The following SBF2 variants were observed in gnomAD, a reference collection of about 807,000 sequenced individuals.
SBF2 encodes the protein SET binding factor 2, also known as myotubularin-related protein 13.
Under a neutral mutation model 225.2 loss-of-function variants are expected in SBF2, and 112 were observed. The ratio of observed to expected loss-of-function variants is 0.50; its 90% CI spans 0.43 to 0.58. The LOEUF (loss-of-function observed/expected upper bound fraction) is 0.58, where lower values mean the gene tolerates loss of function less well. Ranked by LOEUF, SBF2 falls within the 20% of genes least tolerant of loss-of-function variation. The probability of loss-of-function intolerance (pLI) is 0.00; values close to 1 mark genes in which losing one functional copy is unlikely to be tolerated. For missense variants in SBF2, 1,996 were observed against 2,206.2 expected (o/e 0.90, Z 1.91); for synonymous variants, 763 against 773.3 (o/e 0.99, Z 0.22).
intron 2 of SBF2, among the ~76,000 whole-genome samples, chr11:10,117,596 C>T (rs1953206432): frequency 6.6e-6 from 1 of 152,050 alleles, no homozygotes; most frequent in South Asian, 2.1e-4. Context: ...CCTGATCAGA[C>T]TGAAAGTTTA....
At chr11:10,195,585 T>C (rs1957326706) in intron 1 of SBF2, among the ~76,000 whole-genome samples, 1 of 152,154 alleles carries the variant, frequency 6.6e-6, no homozygotes, top group African/African-American at 2.4e-5. Flanking sequence ...ACTGTAAAAA[T>C]CATCCACTAT....
chr11:10,033,570 A>G (rs1949335469), intron 3 of SBF2, among the ~76,000 whole-genome samples: 2 of 151,956 alleles, frequency 1.3e-5, no homozygotes, highest in African/African-American at 4.8e-5. Context: ...TTAGTTCTTA[A>G]TTTCAATATC....
Position 10,083,218 on chromosome 11 carries a change from T to G in SBF2, c.142-40237A>C, listed in dbSNP as rs373580267. On this transcript the variant is annotated intron_variant, in intron 2 of 39. Coordinates refer to ENST00000256190, the MANE Select transcript of SBF2 (RefSeq NM_030962.4). ...TACAAGGACAACTATAAGATACTGA[T>G]GAAAAAAACTGTAGATGACACAAAC... Among the ~76,000 whole-genome samples the G allele has an allele frequency of 5.3e-5, 8 of 152,194 alleles. No homozygotes were observed. In the East Asian group the frequency reaches 1.2e-3, roughly 22 times the overall value.
intron 2 of SBF2, among the ~76,000 whole-genome samples, chr11:10,075,281 T>G (rs751738053): frequency 3.9e-5 from 6 of 152,234 alleles, no homozygotes; most frequent in Non-Finnish European, 8.8e-5. Flanking sequence ...ATCATGCATG[T>G]AAACTGGTTA....
chr11:10,227,980 A>G (rs879622550), intron 1 of SBF2, among the ~76,000 whole-genome samples: 11 of 150,948 alleles, frequency 7.3e-5, no homozygotes, highest in Non-Finnish European at 1.5e-4. Context: ...ATTTGTTTGT[A>G]TCCTCTTTTA....
At chr11:9,998,239 A>G (rs769164484) in intron 9 of SBF2, 27 bp downstream of exon 9, 45 of 1,274,350 alleles carry the variant, frequency 3.5e-5, no homozygotes, top group Non-Finnish European at 5.0e-5. Context: ...ATAAAGAGAA[A>G]GTTACTATTA....
At chr11:10,094,838 A>G (rs1951950326) in intron 2 of SBF2, among the ~76,000 whole-genome samples, 1 of 151,776 alleles carries the variant, frequency 6.6e-6, no homozygotes, top group Admixed American at 6.6e-5. Context: ...TATTAATATC[A>G]TATGATTTTT....
chr11:10,172,602 C>T (rs538295916), intron 2 of SBF2, among the ~76,000 whole-genome samples: 1 of 152,354 alleles, frequency 6.6e-6, no homozygotes, highest in African/African-American at 2.4e-5. Context: ...ATCCACCGGC[C>T]TCGGCCTCCC....
chr11:9,902,069 G>A (rs1861763799), intron 16 of SBF2, among the ~76,000 whole-genome samples: 1 of 152,190 alleles, frequency 6.6e-6, no homozygotes, highest in African/African-American at 2.4e-5. Flanking sequence ...GCCCTGCAAA[G>A]TCATCTGTTG....
rs1037540987 is a variant in SBF2 at position 9,795,917 on chromosome 11, T to C, written c.4484A>G (p.Tyr1495Cys). The change falls in exon 33 of 40, where the codon TAT becomes TGT. Residue 1495 changes from tyrosine to cysteine, a missense_variant. Physicochemically the swap from Tyr to Cys is radical, Grantham distance 194 (BLOSUM62 -2). Transcript: ENST00000256190. ...GTGGAAAGCCAAGAACTTTAAGTAA[T>C]AGAGATTGAATTCAAACTCAGTTGG... ...QYPTEFEFNL[Y>C]YLKFLAFHYV... The C allele has an allele frequency of 6.2e-6, 10 of 1,613,306 alleles. No individual in the cohort carries two copies. In the East Asian group the frequency reaches 6.7e-5, roughly 11 times the overall value.
chr11:10,118,902 G>GA lies in SBF2; in HGVS notation c.141+74999dup, dbSNP rs545712716. 1.7e-3 allele frequency among the ~76,000 whole-genome samples: 129 copies of GA among 74,948 alleles called. 1 individual carries two copies. Among genetic ancestry groups the GA allele is most frequent in the South Asian group, 0.013 (32 of 2,390 alleles). 49.2% of individuals were successfully genotyped at this position (74,948 alleles called of 152,430 possible). ...CTGCTGATCACCTGAAGTACTGGAA[G>GA]AAAAAAAAAAAACAAAACTAAACAA... On this transcript the variant is annotated intron_variant, in intron 2 of 39. Transcript: ENST00000256190.
At chr11:10,154,242 G>A (rs1030850850) in intron 2 of SBF2, among the ~76,000 whole-genome samples, 1 of 151,910 alleles carries the variant, frequency 6.6e-6, no homozygotes, top group African/African-American at 2.4e-5. Context: ...CTTTTATCTT[G>A]CAACTTCTAA....
At chr11:10,078,940 C>G (rs1476793833) in intron 2 of SBF2, among the ~76,000 whole-genome samples, 1 of 152,136 alleles carries the variant, frequency 6.6e-6, no homozygotes, top group Non-Finnish European at 1.5e-5. Context: ...ATCCACCAAA[C>G]TGAGGCTATT....
intron 2 of SBF2, among the ~76,000 whole-genome samples, chr11:10,140,672 C>T (rs1230073789): frequency 6.6e-6 from 1 of 152,162 alleles, no homozygotes; most frequent in Non-Finnish European, 1.5e-5. Flanking sequence ...ATGAGAACCT[C>T]CCATTTATAG....
intron 2 of SBF2, among the ~76,000 whole-genome samples, chr11:10,151,580 A>T (rs185480370): frequency 1.7e-3 from 256 of 152,374 alleles, no homozygotes; most frequent in Non-Finnish European, 2.8e-3. Flanking sequence ...AAAAATGATA[A>T]ACATCTCTGT....
intron 28 of SBF2, among the ~76,000 whole-genome samples, chr11:9,825,732 T>A (rs978192582): frequency 2.0e-5 from 3 of 152,120 alleles, no homozygotes; most frequent in Non-Finnish European, 1.5e-5. Flanking sequence ...TAGTTACTTT[T>A]AAAAAAAAGC....
chr11:9,983,363 T>C (rs550095508), intron 13 of SBF2, among the ~76,000 whole-genome samples: 3 of 152,186 alleles, frequency 2.0e-5, no homozygotes, highest in African/African-American at 7.2e-5. Flanking sequence ...ATAATCTCCC[T>C]AGGTACACAA....
intron 2 of SBF2, among the ~76,000 whole-genome samples, chr11:10,060,686 A>G (rs902962992): frequency 6.6e-6 from 1 of 152,156 alleles, no homozygotes; most frequent in African/African-American, 2.4e-5. Context: ...ACCCACCATG[A>G]CCAAGTAGGC....
chr11:10,038,729 CCTCT>C (rs1949539983), intron 3 of SBF2, among the ~76,000 whole-genome samples: 4 of 151,838 alleles, frequency 2.6e-5, no homozygotes, highest in African/African-American at 9.6e-5. Context: ...AAATTCATTC[CCTCT>C]CTCTTTCTTT....
Sources: gnomAD v4.1 joint callset for allele counts (sites outside exome capture counted in the v4.1 genomes callset) on GRCh38, gnomAD v4.1.1 for gene constraint, MANE v1.5 for transcripts, NCBI Gene and HGNC (gene_info 2026-07-23, HGNC 2026-07-21) for gene names.